RUNX2: variants seen among roughly 807,000 people sequenced by gnomAD.
RUNX2 encodes the protein runt-related transcription factor 2.
A neutral mutation model predicts 51.7 loss-of-function variants in RUNX2; 10 were observed. The observed-to-expected ratio is 0.19, with a 90% CI of 0.12 to 0.33. The LOEUF (loss-of-function observed/expected upper bound fraction) is 0.33, where lower values mean the gene tolerates loss of function less well. Ranked by LOEUF, RUNX2 falls within the 10% of genes least tolerant of loss-of-function variation. The pLI is 1.00. For synonymous variants in RUNX2, 276 were observed against 273.6 expected, an observed-to-expected ratio of 1.01 and a Z score of -0.09; for missense variants, 562 against 691.3, an observed-to-expected ratio of 0.81 and a Z score of 2.10.
intron 5 of RUNX2, among the ~76,000 whole-genome samples, chr6:45,487,341 C>T (rs1563107839): frequency 6.6e-6 from 1 of 152,094 alleles, no homozygotes; most frequent in Non-Finnish European, 1.5e-5. Context: ...AGGCATGTCC[C>T]CTCTCAGGGA....
chr6:45,479,391 A>G (rs1389127291), intron 5 of RUNX2, among the ~76,000 whole-genome samples: 1 of 152,202 alleles, frequency 6.6e-6, no homozygotes, highest in African/African-American at 2.4e-5. Flanking sequence ...AAAGAAAGGT[A>G]TGCTTGTGAT....
intron 2 of RUNX2, among the ~76,000 whole-genome samples, chr6:45,348,430 G>A (rs935995298): frequency 2.0e-5 from 3 of 151,176 alleles, no homozygotes; most frequent in Admixed American, 1.3e-4. Context: ...ACTTTGGGAG[G>A]CCGAGGTAGA....
At position 45,328,700 on chromosome 6, in the gene RUNX2, T is replaced by C; in HGVS notation, c.-27T>C. 5 of 1,611,966 alleles carry C rather than the reference T, an allele frequency of 3.1e-6. No individual in the cohort carries two copies. Among genetic ancestry groups the C allele is most frequent in the Non-Finnish European group, 3.4e-6 (4 of 1,178,542 alleles). The stretch of plus-strand genomic sequence containing the variant: ...CAGTATTTACAACAGAGGGTACAAG[T>C]TCTATCTGAAAAAAAAAGGAGGGAC... On this transcript the variant is annotated 5_prime_UTR_variant, in exon 2 of 9. Coordinates refer to ENST00000647337, the MANE Select transcript of RUNX2 (RefSeq NM_001024630.4).
chr6:45,340,431 T>C (rs879249317), intron 2 of RUNX2, among the ~76,000 whole-genome samples: 4 of 152,030 alleles, frequency 2.6e-5, no homozygotes, highest in Admixed American at 2.6e-4. Flanking sequence ...TCAAGGGATC[T>C]TCCCGACTCA....
intron 7 of RUNX2, among the ~76,000 whole-genome samples, chr6:45,516,768 G>A (rs143029763): frequency 3.7e-4 from 56 of 152,336 alleles, no homozygotes; most frequent in African/African-American, 1.2e-3. Context: ...CACTTGTGAG[G>A]CTTGACACAA....
At chr6:45,330,213 T>G (rs1323303238) in intron 2 of RUNX2, among the ~76,000 whole-genome samples, 5 of 151,928 alleles carry the variant, frequency 3.3e-5, no homozygotes. Flanking sequence ...ACAGATTAAT[T>G]TAAAATTTTA....
chr6:45,428,272 A>G (rs927816446), intron 3 of RUNX2, among the ~76,000 whole-genome samples: 7 of 152,154 alleles, frequency 4.6e-5, no homozygotes, highest in Admixed American at 4.6e-4. Flanking sequence ...TTTCTTTTAG[A>G]TAAACACAGT....
chr6:45,402,380 A>ACATTTTAATGTATT (rs1239935923), intron 2 of RUNX2, among the ~76,000 whole-genome samples: 6 of 152,262 alleles, frequency 3.9e-5, no homozygotes, highest in Non-Finnish European at 8.8e-5. Context: ...CATTTGAAAT[A>ACATTTTAATGTATT]CCATTAAAAC....
At chr6:45,378,257 C>G (rs570889941) in intron 2 of RUNX2, among the ~76,000 whole-genome samples, 1 of 152,194 alleles carries the variant, frequency 6.6e-6, no homozygotes, top group Admixed American at 6.5e-5. Flanking sequence ...GGCTTGAATT[C>G]TTTAGGAATT....
intron 2 of RUNX2, among the ~76,000 whole-genome samples, chr6:45,373,503 A>C (rs571053248): frequency 6.6e-6 from 1 of 152,164 alleles, no homozygotes; most frequent in East Asian, 1.9e-4. Flanking sequence ...ATATATTGTG[A>C]CCAGATCAAA....
intron 2 of RUNX2, among the ~76,000 whole-genome samples, chr6:45,360,845 T>G (rs1794127296): frequency 6.6e-6 from 1 of 152,136 alleles, no homozygotes; most frequent in Non-Finnish European, 1.5e-5. Context: ...CTCAGAAGAG[T>G]TCCTCATTCC....
In RUNX2 at chr6:45,547,026, T is replaced by A. The variant is rs1329104620; in HGVS notation, c.1287T>A (p.Ser429=). ...ACCTGCCACCACCCTACCCCGGCTC[T>A]TCCCAAAGCCAGAGTGGACCCTTCC... The part of the protein sequence containing the change: ...HTYLPPPYPG[S]SQSQSGPFQT... The change falls in exon 9 of 9, where the codon TCT becomes TCA. Residue 429 remains serine, a synonymous_variant. Coordinates refer to ENST00000647337, the MANE Select transcript of RUNX2 (RefSeq NM_001024630.4). 1 of 1,613,970 alleles carries A rather than the reference T, an allele frequency of 6.2e-7. No homozygotes were observed. The highest frequency in any genetic ancestry group is 1.7e-5 in the Admixed American group (1 of 60,000).
At chr6:45,436,084 C>T (rs1385261083) in intron 4 of RUNX2, among the ~76,000 whole-genome samples, 1 of 152,144 alleles carries the variant, frequency 6.6e-6, no homozygotes, top group Non-Finnish European at 1.5e-5. Flanking sequence ...TTATTTAAAT[C>T]CGTGTAATAG....
chr6:45,531,976 G>C (rs1017434718), intron 7 of RUNX2, among the ~76,000 whole-genome samples: 1 of 152,114 alleles, frequency 6.6e-6, no homozygotes, highest in African/African-American at 2.4e-5. Context: ...GAATATGGGA[G>C]CCTGAAGTGT....
At chr6:45,404,277 A>G (rs1197532452) in intron 2 of RUNX2, among the ~76,000 whole-genome samples, 30 of 141,394 alleles carry the variant, frequency 2.1e-4, no homozygotes, top group African/African-American at 5.7e-4. Flanking sequence ...AAAAAAAAGA[A>G]AAAGAAAAAA....
At chr6:45,445,717 C>T (rs1289801061) in intron 5 of RUNX2, among the ~76,000 whole-genome samples, 1 of 151,892 alleles carries the variant, frequency 6.6e-6, no homozygotes, top group Non-Finnish European at 1.5e-5. Context: ...ATATTAATCA[C>T]TTGGCTACCA....
chr6:45,372,603 G>C, intron 2 of RUNX2, among the ~76,000 whole-genome samples: 1 of 152,066 alleles, frequency 6.6e-6, no homozygotes. Context: ...TCAATTTACT[G>C]TCCTGTGAAT....
intron 2 of RUNX2, among the ~76,000 whole-genome samples, chr6:45,332,720 G>A (rs1377348362): frequency 6.6e-6 from 1 of 151,584 alleles, no homozygotes; most frequent in Non-Finnish European, 1.5e-5. Context: ...ATAAAAACAT[G>A]TGACCAAATA....
intron 5 of RUNX2, among the ~76,000 whole-genome samples, chr6:45,441,256 G>A (rs1003805460): frequency 6.6e-6 from 1 of 152,130 alleles, no homozygotes; most frequent in Non-Finnish European, 1.5e-5. Flanking sequence ...CTAAAGATCT[G>A]AATATATATT....
Sources: allele counts gnomAD v4.1 joint callset (sites outside exome capture counted in the v4.1 genomes callset), GRCh38; gene constraint gnomAD v4.1.1; transcripts MANE v1.5; gene names NCBI Gene and HGNC (gene_info 2026-07-23, HGNC 2026-07-21).